PALM2AKAP2: variants seen among roughly 807,000 people sequenced by gnomAD.
PALM2AKAP2 encodes PALM2-AKAP2 fusion protein.
Under a neutral mutation model 71.5 loss-of-function variants are expected in PALM2AKAP2, and 37 were observed. That is an observed-to-expected ratio of 0.52 (90% CI 0.40 to 0.68). PALM2AKAP2 has a LOEUF of 0.68. PALM2AKAP2 is among the 30% of genes least tolerant of loss of function. PALM2AKAP2 has a pLI of 0.00. For synonymous variants in PALM2AKAP2, 468 were observed against 478.8 expected (o/e 0.98, Z 0.29); for missense variants, 1,224 against 1,191.8 (o/e 1.03, Z -0.40).
chr9:109,955,114 C>T (rs1406572244), intron 6 of PALM2AKAP2, among the ~76,000 whole-genome samples: 1 of 152,150 alleles, frequency 6.6e-6, no homozygotes, highest in Admixed American at 6.5e-5. Flanking sequence ...CCTAATCTAC[C>T]ATCATTCACT....
At chr9:109,698,462 A>G (rs1828006017) in intron 1 of PALM2AKAP2, among the ~76,000 whole-genome samples, 2 of 152,092 alleles carry the variant, frequency 1.3e-5, no homozygotes, top group Admixed American at 6.6e-5. Context: ...TATTTTTAGT[A>G]GAGACAGAGT....
chr9:110,136,496 G>T (rs1180172358), exon 2 of PALM2AKAP2: 8 of 1,613,962 alleles, frequency 5.0e-6, no homozygotes, highest in African/African-American at 1.3e-5. Flanking sequence ...AGTGGTTCTG[G>T]TGGGCGGCCT....
Position 110,156,544 on chromosome 9 carries a change from C to A in PALM2AKAP2, c.2748+47C>A, listed in dbSNP as rs569054365. 2.6e-6 allele frequency: 4 copies of A among 1,537,468 alleles called. No homozygotes were observed. The African/African-American group carries it at 5.5e-5, about 21-fold the overall frequency. ...CTTTCACTTCTCTGAGCGCGGCCAT[C>A]GGTGTGGCGTGTGGCATTCCAGTTC... On this transcript the variant is annotated intron_variant, in intron 3 of 3. Coordinates refer to ENST00000374525, the Ensembl canonical transcript of PALM2AKAP2.
exon 2 of PALM2AKAP2, chr9:110,136,515 C>G: frequency 4.3e-6 from 7 of 1,613,834 alleles, no homozygotes; most frequent in Non-Finnish European, 5.9e-6. Flanking sequence ...CTAAGCCCCC[C>G]TGTCCACGAG....
At chr9:109,910,630 C>T (rs541062517) in intron 3 of PALM2AKAP2, among the ~76,000 whole-genome samples, 12 of 152,310 alleles carry the variant, frequency 7.9e-5, no homozygotes, top group African/African-American at 2.6e-4. Flanking sequence ...AAAGAGGGTC[C>T]GCTGGACGTG....
intron 3 of PALM2AKAP2, among the ~76,000 whole-genome samples, chr9:109,914,121 T>C (rs1830634242): frequency 6.6e-6 from 1 of 152,204 alleles, no homozygotes; most frequent in Non-Finnish European, 1.5e-5. Flanking sequence ...TCCACAGGCA[T>C]GCAGTTAAGA....
intron 1 of PALM2AKAP2, among the ~76,000 whole-genome samples, chr9:109,820,546 T>A (rs1827968348): frequency 6.6e-6 from 1 of 152,206 alleles, no homozygotes. Context: ...CTTGGAACCT[T>A]AAAAGGAGAT....
intron 1 of PALM2AKAP2, among the ~76,000 whole-genome samples, chr9:110,110,576 T>C (rs1835224468): frequency 7.6e-6 from 1 of 131,040 alleles, no homozygotes; most frequent in African/African-American, 3.0e-5. Flanking sequence ...TGAGATGGAG[T>C]CTCACTATCA....
chr9:109,895,948 T>C (rs1038999748), intron 3 of PALM2AKAP2, among the ~76,000 whole-genome samples: 7 of 151,820 alleles, frequency 4.6e-5, no homozygotes, highest in African/African-American at 1.7e-4. Flanking sequence ...CTTTAGGAGG[T>C]TGAGTTGGGT....
intron 1 of PALM2AKAP2, among the ~76,000 whole-genome samples, chr9:109,818,330 G>T (rs1300994305): frequency 2.6e-5 from 4 of 152,146 alleles, no homozygotes; most frequent in Non-Finnish European, 5.9e-5. Context: ...GGAGCTATGG[G>T]TATCAATAAC....
intron 1 of PALM2AKAP2, among the ~76,000 whole-genome samples, chr9:109,844,931 A>ATGTG (rs71373945): frequency 0.089 from 13,323 of 149,292 alleles, 613 homozygotes; most frequent in Middle Eastern, 0.13. Context: ...CCAGAAAATG[A>ATGTG]TGTGTGTGTG....
intron 1 of PALM2AKAP2, among the ~76,000 whole-genome samples, chr9:109,690,889 T>A (rs922997456): frequency 6.6e-6 from 1 of 152,114 alleles, no homozygotes; most frequent in East Asian, 1.9e-4. Flanking sequence ...CTGTGATATG[T>A]CTCCTAACTT....
chr9:110,025,471 T>C (rs1833163994), intron 7 of PALM2AKAP2: 1 of 630,450 alleles, frequency 1.6e-6, no homozygotes, highest in Middle Eastern at 4.3e-4. Flanking sequence ...GTAAGTATTC[T>C]TGCTATGAAT....
chr9:109,643,362 T>C (rs1305742665), intron 1 of PALM2AKAP2, among the ~76,000 whole-genome samples: 1 of 152,246 alleles, frequency 6.6e-6, no homozygotes, highest in Non-Finnish European at 1.5e-5. Flanking sequence ...AAGGAGAGCC[T>C]GGTCATTTGC....
At chr9:110,138,510 C>T in exon 2 of PALM2AKAP2, 1 of 1,609,720 alleles carries the variant, frequency 6.2e-7, no homozygotes, top group East Asian at 2.2e-5. Flanking sequence ...CCATCACTGC[C>T]CTCCAGAACA....
chr9:110,167,020 G>T (rs540993999), intron 3 of PALM2AKAP2, among the ~76,000 whole-genome samples: 3 of 152,188 alleles, frequency 2.0e-5, no homozygotes, highest in East Asian at 1.9e-4. Flanking sequence ...AAGATCAAAG[G>T]CACGTCTTAC....
intron 6 of PALM2AKAP2, among the ~76,000 whole-genome samples, chr9:109,971,660 A>C (rs1390970654): frequency 6.6e-6 from 1 of 152,128 alleles, no homozygotes; most frequent in East Asian, 1.9e-4. Flanking sequence ...TCCTTACCTC[A>C]GGCAATCCGA....
chr9:110,031,578 T>C (rs1205903887), intron 7 of PALM2AKAP2, among the ~76,000 whole-genome samples: 1 of 152,204 alleles, frequency 6.6e-6, no homozygotes, highest in Non-Finnish European at 1.5e-5. Flanking sequence ...ATTATTTAAT[T>C]CTTACCACAA....
At chr9:110,059,172 T>C (rs1302841760) in intron 1 of PALM2AKAP2, among the ~76,000 whole-genome samples, 2 of 152,178 alleles carry the variant, frequency 1.3e-5, no homozygotes, top group African/African-American at 4.8e-5. Flanking sequence ...AGTGCTGGGA[T>C]TACAGGTGTG....
Sources: gnomAD v4.1 joint callset for allele counts (sites outside exome capture counted in the v4.1 genomes callset) on GRCh38, gnomAD v4.1.1 for gene constraint, MANE v1.5 for transcripts, NCBI Gene and HGNC (gene_info 2026-07-23, HGNC 2026-07-21) for gene names.